Variants in ATP6V0A4 observed in about 807,000 individuals in gnomAD.
ATP6V0A4 encodes the protein ATPase H+ transporting V0 subunit a4.
A neutral mutation model predicts 107.3 loss-of-function variants in ATP6V0A4; 86 were observed. The observed-to-expected ratio is 0.80, with a 90% confidence interval of 0.67 to 0.96. The LOEUF (loss-of-function observed/expected upper bound fraction) is 0.96. Among genes scored for constraint, ATP6V0A4 ranks in the 40% least tolerant of loss-of-function variants. The pLI, the probability that ATP6V0A4 is intolerant of heterozygous loss-of-function variation, is 0.00. For synonymous variants in ATP6V0A4, 353 were observed against 381.4 expected (o/e 0.93, Z 0.87); for missense variants, 908 against 1,045.6 (o/e 0.87, Z 1.81).
At chr7:138,725,685 G>C (rs1164321344) in intron 18 of ATP6V0A4, among the ~76,000 whole-genome samples, 1 of 151,846 alleles carries the variant, frequency 6.6e-6, no homozygotes, top group African/African-American at 2.4e-5. Flanking sequence ...GCTAATTTTT[G>C]TATTTTTAGT....
intron 18 of ATP6V0A4, 91 bp downstream of exon 18, chr7:138,728,670 C>T: frequency 6.4e-7 from 1 of 1,570,012 alleles, no homozygotes; most frequent in Non-Finnish European, 8.8e-7. Flanking sequence ...CCCTGGCAGC[C>T]CAGGACGATT....
At chr7:138,717,286 G>A (rs1461738544) in intron 19 of ATP6V0A4, among the ~76,000 whole-genome samples, 3 of 152,164 alleles carry the variant, frequency 2.0e-5, no homozygotes, top group Non-Finnish European at 4.4e-5. Flanking sequence ...AGGAGATCAC[G>A]CCTGTAATCC....
At chr7:138,747,279 CAGA>C (rs750238840) in intron 13 of ATP6V0A4, 143 bp downstream of exon 13, 26 of 1,073,950 alleles carry the variant, frequency 2.4e-5, no homozygotes, top group Non-Finnish European at 3.3e-5. Context: ...TACCTTTGGC[CAGA>C]AGTTTTAGGT....
chr7:138,726,530 C>A (rs1224881215), intron 18 of ATP6V0A4, among the ~76,000 whole-genome samples: 1 of 152,190 alleles, frequency 6.6e-6, no homozygotes, highest in African/African-American at 2.4e-5. Context: ...CTGCAGGGAC[C>A]CAGGTTGTAG....
At chr7:138,734,553 T>C (rs1163487238) in intron 15 of ATP6V0A4, among the ~76,000 whole-genome samples, 1 of 151,938 alleles carries the variant, frequency 6.6e-6, no homozygotes, top group Non-Finnish European at 1.5e-5. Flanking sequence ...GAGGCAGGTG[T>C]ATCACTTGAG....
At chr7:138,707,336 AATAT>A (rs1554386004) in intron 21 of ATP6V0A4, among the ~76,000 whole-genome samples, 8 of 66,826 alleles carry the variant, frequency 1.2e-4, no homozygotes, top group Non-Finnish European at 2.2e-4. Context: ...TTATATTTAT[AATAT>A]ATATATTATA....
chr7:138,733,909 G>A (rs1161253581), intron 16 of ATP6V0A4, among the ~76,000 whole-genome samples: 1 of 151,956 alleles, frequency 6.6e-6, no homozygotes, highest in Non-Finnish European at 1.5e-5. Flanking sequence ...AATATTTCTG[G>A]GGCCAGAGGA....
At chr7:138,709,426 A>G (rs1803621030) in intron 21 of ATP6V0A4, among the ~76,000 whole-genome samples, 198 bp downstream of exon 21, 1 of 151,894 alleles carries the variant, frequency 6.6e-6, no homozygotes, top group African/African-American at 2.4e-5. Context: ...GTGTGTGTAT[A>G]TATGTATATA....
chr7:138,709,260 T>C (rs1323952959), intron 21 of ATP6V0A4, among the ~76,000 whole-genome samples: 2 of 149,930 alleles, frequency 1.3e-5, no homozygotes. Flanking sequence ...TCTAAGCATG[T>C]CTTCTGTGAG....
At chr7:138,783,383 C>A (rs4732337) in intron 2 of ATP6V0A4, among the ~76,000 whole-genome samples, 1 of 151,544 alleles carries the variant, frequency 6.6e-6, no homozygotes, top group African/African-American at 2.4e-5. Context: ...CCAGTCTGGG[C>A]AACATAGCAA....
intron 1 of ATP6V0A4, among the ~76,000 whole-genome samples, chr7:138,794,149 C>T (rs190442832): frequency 6.6e-6 from 1 of 152,286 alleles, no homozygotes; most frequent in African/African-American, 2.4e-5. Context: ...CACAACCACC[C>T]AGAGCCTGAC....
At chr7:138,714,075 C>CAAAA (rs35801199) in intron 20 of ATP6V0A4, among the ~76,000 whole-genome samples, 1 of 112,310 alleles carries the variant, frequency 8.9e-6, no homozygotes. Context: ...CTACCTCTAC[C>CAAAA]AAAAAAAAAA....
chr7:138,741,660 T>C (rs1805640715), intron 14 of ATP6V0A4, among the ~76,000 whole-genome samples: 1 of 152,208 alleles, frequency 6.6e-6, no homozygotes, highest in Non-Finnish European at 1.5e-5. Context: ...CCCCGCCTCC[T>C]AACAAAGGCT....
At chr7:138,774,415 C>T (rs562100313) in intron 2 of ATP6V0A4, among the ~76,000 whole-genome samples, 21 of 151,760 alleles carry the variant, frequency 1.4e-4, no homozygotes, top group African/African-American at 4.6e-4. Flanking sequence ...CCTGTCTCTA[C>T]TAAAAATACG....
At chr7:138,750,330 A>C (rs1290943982) in intron 11 of ATP6V0A4, among the ~76,000 whole-genome samples, 1 of 151,828 alleles carries the variant, frequency 6.6e-6, no homozygotes, top group East Asian at 1.9e-4. Flanking sequence ...AGCTCACTAC[A>C]GCCTCAAACT....
intron 11 of ATP6V0A4, among the ~76,000 whole-genome samples, chr7:138,749,808 G>C (rs909199398): frequency 2.6e-5 from 4 of 152,114 alleles, no homozygotes; most frequent in Non-Finnish European, 5.9e-5. Context: ...CCCTTCAGCA[G>C]AGCCTCCATT....
At chr7:138,775,390 C>A (rs936378872) in intron 2 of ATP6V0A4, among the ~76,000 whole-genome samples, 21 of 152,234 alleles carry the variant, frequency 1.4e-4, no homozygotes, top group African/African-American at 5.1e-4. Flanking sequence ...CACACACAAA[C>A]ACACATAAAA....
chr7:138,748,761 A>C (rs7781292), intron 12 of ATP6V0A4, among the ~76,000 whole-genome samples: 33,999 of 152,072 alleles, frequency 0.22, 4,044 homozygotes, highest in Admixed American at 0.28. Flanking sequence ...GGACACCAAG[A>C]ATCGAGTCTT....
chr7:138,729,242 G>A (rs918370987), intron 17 of ATP6V0A4, among the ~76,000 whole-genome samples: 2 of 152,048 alleles, frequency 1.3e-5, no homozygotes, highest in Non-Finnish European at 1.5e-5. Flanking sequence ...ACTATGGCAG[G>A]CCTCATGACT....
Sources: gnomAD v4.1 joint callset for allele counts (sites outside exome capture counted in the v4.1 genomes callset) on GRCh38, gnomAD v4.1.1 for gene constraint, MANE v1.5 for transcripts, NCBI Gene and HGNC (gene_info 2026-07-23, HGNC 2026-07-21) for gene names.